DYNLT2B: variants seen among roughly 807,000 people sequenced by gnomAD.
The protein encoded by DYNLT2B is dynein light chain Tctex-type 2B.
A neutral mutation model predicts 19.5 loss-of-function variants in DYNLT2B; 14 were observed. That is an observed-to-expected ratio of 0.72 (90% confidence interval 0.47 to 1.12). DYNLT2B has a LOEUF of 1.12. Ranked by LOEUF, DYNLT2B falls within the 50% of genes most tolerant of loss-of-function variation. The pLI is 0.00. For missense variants in DYNLT2B, 133 were observed against 174.7 expected (o/e 0.76, Z 1.35); for synonymous variants, 70 against 59.7 (o/e 1.17, Z -0.79).
chr3:196,301,572 G>A (rs1355096076), intron 3 of DYNLT2B, among the ~76,000 whole-genome samples: 1 of 152,110 alleles, frequency 6.6e-6, no homozygotes, highest in Non-Finnish European at 1.5e-5. Flanking sequence ...AACTAGGCGG[G>A]TGTGGTGGTG....
intron 1 of DYNLT2B, among the ~76,000 whole-genome samples, chr3:196,317,813 G>A (rs922333779): frequency 2.0e-5 from 3 of 152,096 alleles, no homozygotes; most frequent in Admixed American, 1.3e-4. Context: ...AGACGCGCCC[G>A]GCGCCCAAAC....
rs372581285 is a variant in DYNLT2B at position 196,299,185 on chromosome 3, A to G, written c.318-3116T>C. Among the ~76,000 whole-genome samples the G allele has an allele frequency of 5.9e-5, 9 of 152,024 alleles. No homozygotes were observed. The East Asian group carries it at 1.4e-3, about 23-fold the overall frequency. ...CTGCAACCACAACCTCCCGGGTTGA[A>G]GCAATTATCCTACCTCAGCCTCCCA... On this transcript the variant is annotated intron_variant, in intron 3 of 4. Coordinates refer to ENST00000325318, the MANE Select transcript of DYNLT2B (RefSeq NM_152773.5).
At position 196,296,015 on chromosome 3, in the gene DYNLT2B, A is replaced by G; in HGVS notation, c.372T>C (p.Val124=). The change falls in exon 4 of 5, where the codon GTT becomes GTC. Residue 124 remains valine (V), a synonymous_variant. Transcript: ENST00000325318. The part of the protein sequence containing the change: ...DADTDNYTHD[V]FMNDSLFCVV... ...TTCCAAATACACTTACATTCATGAA[A>G]ACATCATGAGTATAGTTGTCAGTGT... The G allele has an allele frequency of 2.5e-6, 4 of 1,613,388 alleles. No individual in the cohort carries two copies. Among genetic ancestry groups the G allele is most frequent in the East Asian group, 4.5e-5 (2 of 44,872 alleles).
intron 2 of DYNLT2B, among the ~76,000 whole-genome samples, chr3:196,309,902 T>C (rs1726587856): frequency 6.7e-6 from 1 of 149,482 alleles, no homozygotes; most frequent in Non-Finnish European, 1.5e-5. Context: ...GAGCCAAGAT[T>C]GCGCCATTGC....
At chr3:196,309,955 AAAAG>A (rs1452429921) in intron 2 of DYNLT2B, among the ~76,000 whole-genome samples, 2 of 151,868 alleles carry the variant, frequency 1.3e-5, no homozygotes, top group East Asian at 1.9e-4. Context: ...TCCAAAAAAA[AAAAG>A]AAAAGAAAAG....
At chr3:196,317,281 T>TGTGTGTTG (rs200869314) in intron 1 of DYNLT2B, among the ~76,000 whole-genome samples, 15 of 52,674 alleles carry the variant, frequency 2.8e-4, no homozygotes, top group African/African-American at 8.9e-4. Context: ...TGTGTGTGTG[T>TGTGTGTTG]TGTGTGTGTG....
intron 2 of DYNLT2B, among the ~76,000 whole-genome samples, chr3:196,314,612 A>G (rs1176793001): frequency 1.3e-5 from 2 of 152,088 alleles, no homozygotes; most frequent in African/African-American, 4.8e-5. Flanking sequence ...CAGGAGCTCA[A>G]GATCAGCCAG....
At chr3:196,313,693 T>C (rs1157037313) in intron 2 of DYNLT2B, among the ~76,000 whole-genome samples, 2 of 152,226 alleles carry the variant, frequency 1.3e-5, no homozygotes, top group Admixed American at 1.3e-4. Context: ...ATACACAGGA[T>C]TGCTATTCTT....
At chr3:196,303,639 C>T (rs1726412617) in intron 3 of DYNLT2B, among the ~76,000 whole-genome samples, 1 of 151,980 alleles carries the variant, frequency 6.6e-6, no homozygotes, top group Non-Finnish European at 1.5e-5. Flanking sequence ...AACACCTAAC[C>T]AGTACTCCTC....
intron 3 of DYNLT2B, among the ~76,000 whole-genome samples, chr3:196,297,669 G>A (rs148394799): frequency 1.3e-5 from 2 of 152,234 alleles, no homozygotes; most frequent in Non-Finnish European, 2.9e-5. Context: ...TGTTTTACGT[G>A]TATTAACTCA....
At chr3:196,316,030 G>A in intron 2 of DYNLT2B, 68 bp downstream of exon 2, 2 of 1,539,648 alleles carry the variant, frequency 1.3e-6, no homozygotes, top group Admixed American at 3.6e-5. Context: ...TAAAGATGGA[G>A]AGGGGGCAAA....
chr3:196,302,234 G>A lies in DYNLT2B; in HGVS notation c.317+4709C>T, dbSNP rs531111436. Among the ~76,000 whole-genome samples the A allele has an allele frequency of 1.2e-4, 19 of 152,266 alleles. No individual in the cohort carries two copies. In the South Asian group the frequency reaches 3.7e-3, roughly 30 times the overall value. ...GTAACCTAAATCCTAAAAAGAGAGC[G>A]GAGTGGAAGGGGCAGCAGCAGTGTT... On this transcript the variant is annotated intron_variant, in intron 3 of 4. Coordinates refer to ENST00000325318, the MANE Select transcript of DYNLT2B (RefSeq NM_152773.5).
intron 3 of DYNLT2B, among the ~76,000 whole-genome samples, chr3:196,299,967 A>G (rs950532059): frequency 1.3e-5 from 2 of 152,118 alleles, no homozygotes; most frequent in Non-Finnish European, 2.9e-5. Flanking sequence ...AACTAGTATG[A>G]CTAAATCACA....
intron 3 of DYNLT2B, among the ~76,000 whole-genome samples, chr3:196,299,036 C>T (rs1377417062): frequency 6.6e-6 from 1 of 151,854 alleles, no homozygotes; most frequent in Admixed American, 6.6e-5. Flanking sequence ...CTCAGCCTCC[C>T]GAGTAGCTGG....
chr3:196,318,183 C>T lies in DYNLT2B; in HGVS notation c.-31G>A, dbSNP rs375451728. Reference sequence around the variant, plus strand: ...GGCTTCTCGGTCCGGGCGTAGCTCGCGATGAAGGCCTAGCGGGTTGCGGTC... The same window carrying T: ...GGCTTCTCGGTCCGGGCGTAGCTCGTGATGAAGGCCTAGCGGGTTGCGGTC... On this transcript the variant is annotated 5_prime_UTR_variant, in exon 1 of 5. Transcript: ENST00000325318. The T allele has an allele frequency of 2.2e-6, 3 of 1,345,070 alleles. No homozygotes were observed. Among genetic ancestry groups the T allele is most frequent in the Non-Finnish European group, 2.0e-6 (2 of 1,002,562 alleles). 83.3% of individuals were successfully genotyped at this position (1,345,070 alleles called of 1,614,324 possible).
At chr3:196,317,140 TGAC>T (rs770614003) in intron 1 of DYNLT2B, among the ~76,000 whole-genome samples, 5 of 116,446 alleles carry the variant, frequency 4.3e-5, no homozygotes, top group Non-Finnish European at 7.0e-5. Context: ...CCCGTGAGCC[TGAC>T]ATTTTTTTTC....
chr3:196,306,988 A>G lies in DYNLT2B; in HGVS notation c.272T>C (p.Met91Thr), dbSNP rs145240396. The change falls in exon 3 of 5, where the codon ATG (methionine) becomes ACG (threonine). Residue 91 changes from methionine (M) to threonine (T), a missense_variant. Coordinates refer to ENST00000325318, the MANE Select transcript of DYNLT2B (RefSeq NM_152773.5). ...LKEMGFDRYK[M>T]VVQVVIGEQR... The stretch of plus-strand genomic sequence containing the variant: ...TTCTCCAATCACTACTTGCACCACC[A>G]TTTTGTATCGGTCAAATCCCATTTC... 1.9e-5 allele frequency: 30 copies of G among 1,613,980 alleles called. No homozygotes were observed. The highest frequency in any genetic ancestry group is 2.4e-5 in the Non-Finnish European group (28 of 1,179,982).
intron 2 of DYNLT2B, among the ~76,000 whole-genome samples, chr3:196,314,625 C>A (rs1418871495): frequency 2.0e-5 from 3 of 151,774 alleles, no homozygotes; most frequent in Non-Finnish European, 2.9e-5. Flanking sequence ...TCAGCCAGGG[C>A]AACATGGCAA....
chr3:196,305,027 C>A (rs1372099457), intron 3 of DYNLT2B, among the ~76,000 whole-genome samples: 8 of 152,014 alleles, frequency 5.3e-5, no homozygotes, highest in Non-Finnish European at 1.2e-4. Flanking sequence ...GGACCACAGG[C>A]GTGTGCCACC....
Sources: allele counts gnomAD v4.1 joint callset (sites outside exome capture counted in the v4.1 genomes callset), GRCh38; gene constraint gnomAD v4.1.1; transcripts MANE v1.5; gene names NCBI Gene and HGNC (gene_info 2026-07-23, HGNC 2026-07-21).